DYDC2: variants seen among roughly 807,000 people sequenced by gnomAD.
DYDC2 encodes DPY30 domain containing 2.
DYDC2 carries 19 observed loss-of-function variants against 18.7 expected under a neutral mutation model. The observed-to-expected ratio is 1.02, with a 90% CI of 0.71 to 1.49. The LOEUF (loss-of-function observed/expected upper bound fraction) is 1.49. DYDC2 is among the 40% of genes most tolerant of loss of function. The probability of loss-of-function intolerance (pLI) is 0.00; values close to 1 mark genes in which losing one functional copy is unlikely to be tolerated. For missense variants in DYDC2, 179 were observed against 205.1 expected (o/e 0.87, Z 0.78); for synonymous variants, 63 against 67.6 (o/e 0.93, Z 0.34).
At chr10:80,347,243 T>C (rs183659675) in intron 1 of DYDC2, among the ~76,000 whole-genome samples, 7 of 151,400 alleles carry the variant, frequency 4.6e-5, no homozygotes, top group Non-Finnish European at 8.8e-5. Flanking sequence ...GAAATGTCTA[T>C]TTAGGTCCTT....
At chr10:80,363,336 GTTTTTTTTTTTT>G (rs3038629) in intron 4 of DYDC2, among the ~76,000 whole-genome samples, 1 of 81,628 alleles carries the variant, frequency 1.2e-5, no homozygotes, top group Non-Finnish European at 2.2e-5. Context: ...AAAAAAATCT[GTTTTTTTTTTTT>G]TTTTTTTTTT....
chr10:80,362,941 C>T lies in DYDC2; in HGVS notation c.148-10C>T, dbSNP rs112746297. 17 of 1,610,482 alleles carry T rather than the reference C, an allele frequency of 1.1e-5. No homozygotes were observed. Among genetic ancestry groups the T allele is most frequent in the Non-Finnish European group, 1.3e-5 (15 of 1,178,664 alleles). On this transcript the variant is annotated splice_polypyrimidine_tract_variant and intron_variant, in intron 3 of 4. Transcript: ENST00000256039. The stretch of plus-strand genomic sequence containing the variant: ...TGCTGACCTGATTTGACTCTGTCAC[C>T]TCACCCCAGAATAGGGAAAAGAAGA...
Position 80,366,986 on chromosome 10 carries a change from T to A in DYDC2, c.*35T>A. On this transcript the variant is annotated 3_prime_UTR_variant, in exon 5 of 5. Coordinates refer to ENST00000256039, the MANE Select transcript of DYDC2 (RefSeq NM_032372.6). ...GGTAGATGCTTCTGATTTACTTCTC[T>A]CAAAGCTAGAAGCCAAGAAAATGGC... 1 of 1,571,988 alleles carries A rather than the reference T, an allele frequency of 6.4e-7. No homozygotes were observed. The highest frequency in any genetic ancestry group is 8.6e-7 in the Non-Finnish European group (1 of 1,162,378).
At position 80,356,826 on chromosome 10, in the gene DYDC2, G is replaced by A; in HGVS notation, c.-163+1G>A. The A allele has an allele frequency of 2.0e-6, 2 of 986,028 alleles. No individual in the cohort carries two copies. The highest frequency in any genetic ancestry group is 2.4e-6 in the Non-Finnish European group (2 of 830,442). 61.1% of individuals were successfully genotyped at this position (986,028 alleles called of 1,614,324 possible). ...CAAAGCGGAAGGGGCGCGCGGATAG[G>A]TGAGCAGAGGGCACGCGGTGGGCAG... On this transcript the variant is annotated splice_donor_variant, in intron 1 of 4. Transcript: ENST00000256039. LOFTEE classifies it low-confidence loss of function (5UTR_SPLICE).
chr10:80,354,342 TG>T (rs1343273875), upstream of DYDC2: 1 of 150,608 alleles, frequency 6.6e-6, no homozygotes, highest in Non-Finnish European at 1.5e-5. Context: ...CAAAATTATC[TG>T]GGCGTGGTGG....
chr10:80,355,122 C>T (rs143230218), upstream of DYDC2, among the ~76,000 whole-genome samples: 1 of 150,216 alleles, frequency 6.7e-6, no homozygotes, highest in Non-Finnish European at 1.5e-5. Flanking sequence ...AAAATTAACA[C>T]GACAAAGAAG....
intron 2 of DYDC2, among the ~76,000 whole-genome samples, chr10:80,362,221 C>T (rs185762353): frequency 1.6e-3 from 243 of 152,310 alleles, no homozygotes; most frequent in Non-Finnish European, 1.5e-3. Flanking sequence ...AATATGGACT[C>T]CGTCAGGAGG....
upstream of DYDC2, among the ~76,000 whole-genome samples, chr10:80,355,247 T>G (rs1843290426): frequency 6.6e-6 from 1 of 151,846 alleles, no homozygotes; most frequent in African/African-American, 2.4e-5. Flanking sequence ...ATCTAGCATT[T>G]TGCATAAAAT....
chr10:80,360,029 G>T (rs986736725), intron 2 of DYDC2, among the ~76,000 whole-genome samples: 1 of 152,250 alleles, frequency 6.6e-6, no homozygotes, highest in African/African-American at 2.4e-5. Flanking sequence ...CCAGCACGCT[G>T]TCACCTCTCA....
chr10:80,357,947 T>G lies in DYDC2; in HGVS notation c.-108T>G. On this transcript the variant is annotated 5_prime_UTR_variant, in exon 2 of 5. The change creates a new upstream start codon in the 5' untranslated region. Transcript: ENST00000256039. Reference sequence around the variant, plus strand: ...TACAGTAAACAAAGACAACCCCTATTCTTATCACCTTGCCTACTGAGTGCA... The same window carrying G: ...TACAGTAAACAAAGACAACCCCTATGCTTATCACCTTGCCTACTGAGTGCA... 1 of 985,082 alleles carries G rather than the reference T, an allele frequency of 1.0e-6. No homozygotes were observed. The highest frequency in any genetic ancestry group is 1.2e-6 in the Non-Finnish European group (1 of 829,706). The allele number at this position is 985,082 out of a possible 1,614,324, so 61.0% of individuals were successfully genotyped here.
At chr10:80,360,816 G>A (rs1328369296) in intron 2 of DYDC2, among the ~76,000 whole-genome samples, 1 of 148,828 alleles carries the variant, frequency 6.7e-6, no homozygotes, top group Non-Finnish European at 1.5e-5. Context: ...TTGGAGTGCA[G>A]TGGTGAGATC....
rs533393469 is a variant in DYDC2, at chr10:80,357,119, G to A, written c.-163+294G>A. 1.4e-3 allele frequency among the ~76,000 whole-genome samples: 209 copies of A among 147,480 alleles called. 1 individual carries two copies. The highest frequency in any genetic ancestry group is 5.1e-3 in the African/African-American group (204 of 39,752). ...GGGGGCGTTCAGGAGTCGGGCCTGCGGCAGAGATGAGGCGGTGTGCAGGAG... is the reference window on the plus strand; with the variant it reads ...GGGGGCGTTCAGGAGTCGGGCCTGCAGCAGAGATGAGGCGGTGTGCAGGAG... On this transcript the variant is annotated intron_variant, in intron 1 of 4. Transcript: ENST00000256039.
Position 80,360,902 on chromosome 10 carries a change from AG to A in DYDC2, c.-9-1532del, listed in dbSNP as rs372278225. 1.1e-3 allele frequency among the ~76,000 whole-genome samples: 169 copies of A among 151,522 alleles called. 2 individuals carry two copies. Among genetic ancestry groups the A allele is most frequent in the African/African-American group, 3.6e-3 (150 of 41,310 alleles). On this transcript the variant is annotated intron_variant, in intron 2 of 4. Transcript: ENST00000256039. ...AGCCCTGCCCCCAACCCCTCCAAGTAGCTGGGACTGCAGGTGTGTGCCATCA... is the reference window on the plus strand; with the variant it reads ...AGCCCTGCCCCCAACCCCTCCAAGTACTGGGACTGCAGGTGTGTGCCATCA...
chr10:80,349,184 C>T (rs548918154), intron 1 of DYDC2, among the ~76,000 whole-genome samples: 3 of 152,336 alleles, frequency 2.0e-5, no homozygotes, highest in Admixed American at 2.0e-4. Context: ...AGCCACCGCG[C>T]CCGGCCCGCA....
intron 4 of DYDC2, among the ~76,000 whole-genome samples, chr10:80,364,342 T>C (rs1481442902): frequency 6.6e-6 from 1 of 152,198 alleles, no homozygotes; most frequent in Non-Finnish European, 1.5e-5. Flanking sequence ...CTTTAAGCAA[T>C]TGTTTGGAGA....
intron 2 of DYDC2, 49 bp from the exon 3 acceptor site, chr10:80,362,385 TA>T: frequency 3.2e-6 from 5 of 1,570,472 alleles, no homozygotes; most frequent in Non-Finnish European, 4.3e-6. Flanking sequence ...CTATTTTTAA[TA>T]TCAGATTAAG....
upstream of DYDC2, among the ~76,000 whole-genome samples, chr10:80,353,453 C>T (rs1006514024): frequency 1.3e-5 from 2 of 151,136 alleles, no homozygotes; most frequent in Non-Finnish European, 1.5e-5. Context: ...TGAGCCACCG[C>T]GCCTGGCCGA....
intron 1 of DYDC2, among the ~76,000 whole-genome samples, chr10:80,348,670 T>G (rs1418281079): frequency 1.3e-5 from 2 of 152,252 alleles, no homozygotes; most frequent in African/African-American, 4.8e-5. Context: ...ATTAAGAAGC[T>G]TCCATCAACC....
chr10:80,356,531 G>T, upstream of DYDC2: 1 of 985,508 alleles, frequency 1.0e-6, no homozygotes, highest in Non-Finnish European at 1.2e-6. Context: ...CCCGCTCAGG[G>T]GGAGCAGGAG....
Sources: allele counts gnomAD v4.1 joint callset (sites outside exome capture counted in the v4.1 genomes callset), GRCh38; gene constraint gnomAD v4.1.1; transcripts MANE v1.5; gene names NCBI Gene and HGNC (gene_info 2026-07-23, HGNC 2026-07-21).